ZFHX3: variants seen among roughly 807,000 people sequenced by gnomAD.
ZFHX3 encodes zinc finger homeobox 3, also known as zinc finger homeobox protein 3.
In ZFHX3, 42 loss-of-function variants were observed where a neutral mutation model predicts 279.1. That is an observed-to-expected ratio of 0.15 (90% CI 0.12 to 0.19). The LOEUF (loss-of-function observed/expected upper bound fraction) is 0.19, where lower values mean the gene tolerates loss of function less well. Among genes scored for constraint, ZFHX3 ranks in the 10% least tolerant of loss-of-function variants. The pLI, the probability that ZFHX3 is intolerant of heterozygous loss-of-function variation, is 1.00. For missense variants in ZFHX3, 4,981 were observed against 4,754.0 expected (o/e 1.05, Z -1.40); for synonymous variants, 2,293 against 1,957.8 (o/e 1.17, Z -4.52).
At chr16:73,756,436 G>A (rs904602308) in intron 1 of ZFHX3, among the ~76,000 whole-genome samples, 14 of 152,106 alleles carry the variant, frequency 9.2e-5, no homozygotes, top group Non-Finnish European at 1.9e-4. Context: ...TCCGTGCCGG[G>A]CCTGAGATCA....
At chr16:73,212,266 A>G (rs2012047720) in intron 5 of ZFHX3, among the ~76,000 whole-genome samples, 1 of 152,130 alleles carries the variant, frequency 6.6e-6, no homozygotes, top group African/African-American at 2.4e-5. Flanking sequence ...ATATATATCT[A>G]TACACCCTTT....
intron 5 of ZFHX3, among the ~76,000 whole-genome samples, chr16:73,226,880 T>G (rs1237513240): frequency 1.3e-5 from 2 of 152,212 alleles, no homozygotes; most frequent in Non-Finnish European, 2.9e-5. Flanking sequence ...ACGTATGGCT[T>G]GGCCAATGAA....
At chr16:73,470,297 G>A (rs150431033) in intron 2 of ZFHX3, among the ~76,000 whole-genome samples, 9 of 152,136 alleles carry the variant, frequency 5.9e-5, no homozygotes, top group African/African-American at 1.4e-4. Context: ...AAGCAAGCCC[G>A]TCCCGGACAG....
chr16:73,861,290 A>T (rs1282256081), intron 1 of ZFHX3, among the ~76,000 whole-genome samples: 2 of 152,066 alleles, frequency 1.3e-5, no homozygotes, highest in Non-Finnish European at 2.9e-5. Context: ...TTTCTAAAGA[A>T]TTTCACTCTC....
chr16:73,143,999 A>G (rs76098878), intron 5 of ZFHX3, among the ~76,000 whole-genome samples: 14,131 of 152,236 alleles, frequency 0.093, 688 homozygotes, highest in Non-Finnish European at 0.11. Flanking sequence ...GTCGGCCAGT[A>G]TCAAGGCAAA....
In ZFHX3 at chr16:73,336,269, C is replaced by T. The variant is rs188848345; in HGVS notation, c.-1290-17933G>A. 1.4e-4 allele frequency among the ~76,000 whole-genome samples: 21 copies of T among 152,248 alleles called. No individual in the cohort carries two copies. The South Asian group carries it at 2.5e-3, about 18-fold the overall frequency. ...AACTTTTATTTTAGTTTCAGGGGTA[C>T]ATGTGCAGGTCTGTTATATGGGTAA... On this transcript the variant is annotated intron_variant, in intron 3 of 17. Coordinates refer to the ZFHX3 transcript ENST00000641206.
Position 73,672,957 on chromosome 16 carries a change from T to C in ZFHX3, c.-1547+7223A>G, listed in dbSNP as rs151153654. On this transcript the variant is annotated intron_variant, in intron 2 of 17. Coordinates refer to the ZFHX3 transcript ENST00000641206. ...TACTCAAAGGCCTATTATACAGCAG[T>C]GGAAATGAATGAAATACAATTACTT... Among the ~76,000 whole-genome samples, 11 of 152,210 alleles carry C rather than the reference T, an allele frequency of 7.2e-5. No homozygotes were observed. In the East Asian group the frequency reaches 2.1e-3, roughly 29 times the overall value.
At chr16:73,330,658 G>A (rs931865398) in intron 3 of ZFHX3, among the ~76,000 whole-genome samples, 3 of 152,202 alleles carry the variant, frequency 2.0e-5, no homozygotes, top group African/African-American at 7.2e-5. Context: ...TTCAGCTACT[G>A]TGATCACTGA....
At chr16:73,046,555 T>C (rs1806251441) in intron 1 of ZFHX3, among the ~76,000 whole-genome samples, 2 of 151,960 alleles carry the variant, frequency 1.3e-5, no homozygotes, top group African/African-American at 4.8e-5. Context: ...ATTTGACACC[T>C]CCTGAATTCA....
At chr16:73,021,049 T>C (rs1964280885) in intron 1 of ZFHX3, among the ~76,000 whole-genome samples, 1 of 152,156 alleles carries the variant, frequency 6.6e-6, no homozygotes, top group Non-Finnish European at 1.5e-5. Context: ...CTTTGAAAAA[T>C]GAAGCTCCTT....
chr16:73,743,376 C>T (rs2053675940), intron 1 of ZFHX3, among the ~76,000 whole-genome samples: 1 of 152,146 alleles, frequency 6.6e-6, no homozygotes, highest in Admixed American at 6.5e-5. Flanking sequence ...TCGCAAATTA[C>T]AATACACAAT....
chr16:73,220,983 C>A (rs1270197630), intron 5 of ZFHX3, among the ~76,000 whole-genome samples: 1 of 152,100 alleles, frequency 6.6e-6, no homozygotes, highest in African/African-American at 2.4e-5. Flanking sequence ...ATGGGGAAAG[C>A]TGTAGAGCTG....
chr16:73,264,945 CAT>C (rs371162366), intron 4 of ZFHX3, among the ~76,000 whole-genome samples: 28 of 149,512 alleles, frequency 1.9e-4, no homozygotes, highest in South Asian at 1.1e-3. Context: ...TTCCATTTTA[CAT>C]ATATATATAT....
At chr16:73,484,575 C>T (rs1405333060) in intron 2 of ZFHX3, among the ~76,000 whole-genome samples, 2 of 152,148 alleles carry the variant, frequency 1.3e-5, no homozygotes, top group Non-Finnish European at 2.9e-5. Flanking sequence ...CGTTCGGGGC[C>T]AAGTTTGCCC....
intron 1 of ZFHX3, among the ~76,000 whole-genome samples, chr16:72,972,810 C>A (rs1962165130): frequency 6.6e-6 from 1 of 152,134 alleles, no homozygotes; most frequent in South Asian, 2.1e-4. Context: ...TCTGGCCCTC[C>A]TCCCACCTCT....
At chr16:73,060,968 T>A (rs1965675642), upstream of ZFHX3, 1 of 152,176 alleles carries the variant, frequency 6.6e-6, no homozygotes, top group South Asian at 2.1e-4. Context: ...TTTTGCAGGG[T>A]TACCTCATCT....
chr16:73,428,833 C>A (rs1039114345), intron 3 of ZFHX3, among the ~76,000 whole-genome samples: 3 of 152,154 alleles, frequency 2.0e-5, no homozygotes, highest in Admixed American at 2.0e-4. Context: ...CTATAAGGAT[C>A]TGAAGACAGT....
At chr16:73,648,755 A>G (rs1341683357) in intron 2 of ZFHX3, among the ~76,000 whole-genome samples, 1 of 152,174 alleles carries the variant, frequency 6.6e-6, no homozygotes, top group Non-Finnish European at 1.5e-5. Context: ...GCTTTGCCCC[A>G]TTGATGGACA....
At chr16:73,369,381 G>A (rs558315659) in intron 3 of ZFHX3, among the ~76,000 whole-genome samples, 2 of 152,254 alleles carry the variant, frequency 1.3e-5, no homozygotes, top group South Asian at 2.1e-4. Context: ...ACCGAGCACC[G>A]GGCTTCTAAG....
Sources: gnomAD v4.1 joint callset for allele counts (sites outside exome capture counted in the v4.1 genomes callset) on GRCh38, gnomAD v4.1.1 for gene constraint, MANE v1.5 for transcripts, NCBI Gene and HGNC (gene_info 2026-07-23, HGNC 2026-07-21) for gene names.